Variants in PTPRO observed in about 807,000 individuals in gnomAD.
PTPRO encodes the protein protein tyrosine phosphatase receptor type O.
Under a neutral mutation model 145.2 loss-of-function variants are expected in PTPRO, and 62 were observed. That is an observed-to-expected ratio of 0.43 (90% CI 0.35 to 0.53). PTPRO has a LOEUF of 0.53. PTPRO is among the 20% of genes least tolerant of loss of function. The probability of loss-of-function intolerance (pLI) is 0.01; values close to 1 mark genes in which losing one functional copy is unlikely to be tolerated. For missense variants in PTPRO, 1,345 were observed against 1,482.7 expected, an observed-to-expected ratio of 0.91 and a Z score of 1.53; for synonymous variants, 565 against 514.7, an observed-to-expected ratio of 1.10 and a Z score of -1.32.
intron 12 of PTPRO, among the ~76,000 whole-genome samples, chr12:15,527,962 G>C (rs1942877568): frequency 6.7e-6 from 1 of 149,050 alleles, no homozygotes; most frequent in Non-Finnish European, 1.5e-5. Context: ...CTCTGAACAA[G>C]AATTCAAAAT....
chr12:15,414,745 G>A (rs1400964351), intron 1 of PTPRO, among the ~76,000 whole-genome samples: 2 of 152,140 alleles, frequency 1.3e-5, no homozygotes, highest in African/African-American at 4.8e-5. Flanking sequence ...CTGAATACTT[G>A]TAAGAGAACC....
intron 6 of PTPRO, 134 bp from the exon 7 acceptor site, chr12:15,508,437 G>T: frequency 2.2e-6 from 2 of 926,196 alleles, no homozygotes. Flanking sequence ...CTGAAGAGTT[G>T]CCAGTCCGAC....
intron 1 of PTPRO, among the ~76,000 whole-genome samples, chr12:15,470,831 T>C (rs140060793): frequency 5.9e-5 from 9 of 152,288 alleles, no homozygotes; most frequent in Non-Finnish European, 1.3e-4. Flanking sequence ...GTCAAGGAAA[T>C]GGCAGTGCAA....
intron 1 of PTPRO, among the ~76,000 whole-genome samples, chr12:15,407,794 C>T (rs1290584169): frequency 6.6e-6 from 1 of 152,144 alleles, no homozygotes; most frequent in Non-Finnish European, 1.5e-5. Context: ...ACTATTTCTT[C>T]AAATTTTTCT....
chr12:15,450,793 T>TA (rs939221271), intron 1 of PTPRO, among the ~76,000 whole-genome samples: 1 of 151,604 alleles, frequency 6.6e-6, no homozygotes, highest in Admixed American at 6.6e-5. Context: ...TTTTTTTAAA[T>TA]AAAAAAACTA....
chr12:15,497,226 A>T lies in PTPRO; in HGVS notation c.350-19A>T. The T allele has an allele frequency of 6.5e-7, 1 of 1,542,206 alleles. No homozygotes were observed. The highest frequency in any genetic ancestry group is 1.4e-5 in the African/African-American group (1 of 73,246). On this transcript the variant is annotated intron_variant, in intron 2 of 26. Transcript: ENST00000281171. ...TCTCCTCTTTCTTTTCCCTTTCTCC[A>T]TTTACTTCACTTCTGTAGAACCTCT...
At chr12:15,586,300 G>A (rs1944428070) in intron 23 of PTPRO, among the ~76,000 whole-genome samples, 1 of 152,198 alleles carries the variant, frequency 6.6e-6, no homozygotes, top group Admixed American at 6.5e-5. Flanking sequence ...TCTCACCTGT[G>A]CTGGATCCCA....
chr12:15,497,436 G>A, intron 3 of PTPRO, 33 bp downstream of exon 3: 1 of 1,603,536 alleles, frequency 6.2e-7, no homozygotes, highest in East Asian at 2.2e-5. Context: ...AATCAATGAT[G>A]ACCCTCACTT....
chr12:15,415,232 CA>C (rs147944898), intron 1 of PTPRO, among the ~76,000 whole-genome samples: 3 of 152,080 alleles, frequency 2.0e-5, no homozygotes, highest in African/African-American at 4.8e-5. Flanking sequence ...ACCTCCCCCC[CA>C]AAAAAAGAAG....
chr12:15,432,071 T>C (rs530021968), intron 1 of PTPRO, among the ~76,000 whole-genome samples: 1 of 151,842 alleles, frequency 6.6e-6, no homozygotes, highest in Non-Finnish European at 1.5e-5. Flanking sequence ...GTCATGGGGG[T>C]TTATTGTACA....
chr12:15,438,475 C>T (rs547112041), intron 1 of PTPRO, among the ~76,000 whole-genome samples: 1 of 151,922 alleles, frequency 6.6e-6, no homozygotes, highest in Admixed American at 6.6e-5. Context: ...TAAAGCAACC[C>T]AGGAAATGAA....
At position 15,562,417 on chromosome 12, in the gene PTPRO, G is replaced by GACGCACACTGCC. The variant is rs536908787; in HGVS notation, c.2711+2142_2711+2153dup. ...GCAAATAACAAGAGCCATCTCCCCA[G>GACGCACACTGCC]ACGCACACTGCCTAACACACTGTCC... On this transcript the variant is annotated intron_variant, in intron 17 of 26. Transcript: ENST00000281171. Among the ~76,000 whole-genome samples, 355 of 152,242 alleles carry GACGCACACTGCC rather than the reference G, an allele frequency of 2.3e-3. No individual in the cohort carries two copies. The Middle Eastern group carries it at 0.034, about 15-fold the overall frequency.
intron 1 of PTPRO, among the ~76,000 whole-genome samples, chr12:15,378,954 AT>A (rs1386651861): frequency 6.6e-6 from 1 of 152,192 alleles, no homozygotes; most frequent in Non-Finnish European, 1.5e-5. Context: ...CAGTGGAGAA[AT>A]GCAAATCAAA....
intron 2 of PTPRO, among the ~76,000 whole-genome samples, 166 bp downstream of exon 2, chr12:15,484,413 T>C (rs972349351): frequency 3.3e-5 from 5 of 152,148 alleles, no homozygotes; most frequent in African/African-American, 4.8e-5. Flanking sequence ...AGCTGAAGTT[T>C]GATGTTTACT....
chr12:15,521,691 C>T (rs1942724873), intron 10 of PTPRO, among the ~76,000 whole-genome samples: 1 of 152,140 alleles, frequency 6.6e-6, no homozygotes, highest in Admixed American at 6.6e-5. Flanking sequence ...GCACTAAAGC[C>T]TACTTAGAGA....
At chr12:15,430,165 G>T (rs1490814325) in intron 1 of PTPRO, among the ~76,000 whole-genome samples, 1 of 151,502 alleles carries the variant, frequency 6.6e-6, no homozygotes, top group African/African-American at 2.4e-5. Flanking sequence ...TTTGCACATA[G>T]GTAGTTGGTA....
chr12:15,590,710 TTA>T, intron 25 of PTPRO, among the ~76,000 whole-genome samples: 2 of 152,284 alleles, frequency 1.3e-5, no homozygotes, highest in South Asian at 4.1e-4. Flanking sequence ...TGGGAAAGAG[TTA>T]TCCTCGTTAA....
At chr12:15,546,739 G>A (rs778251718) in intron 13 of PTPRO, 31 bp downstream of exon 13, 1 of 1,612,804 alleles carries the variant, frequency 6.2e-7, no homozygotes, top group Non-Finnish European at 8.5e-7. Context: ...CCTTTTCTCA[G>A]TTAACTTAAG....
At chr12:15,360,870 GTATATACACACATACACATGTGTA>G (rs1938168367) in intron 1 of PTPRO, among the ~76,000 whole-genome samples, 2 of 124,350 alleles carry the variant, frequency 1.6e-5, no homozygotes, top group Admixed American at 1.7e-4. Context: ...ATATATGTGT[GTATATACACACATACACATGTGTA>G]TATACACACA....
Sources: allele counts gnomAD v4.1 joint callset (sites outside exome capture counted in the v4.1 genomes callset), GRCh38; gene constraint gnomAD v4.1.1; transcripts MANE v1.5; gene names NCBI Gene and HGNC (gene_info 2026-07-23, HGNC 2026-07-21).